Variants in BLTP1 observed in about 807,000 individuals in gnomAD.
BLTP1 encodes bridge-like lipid transfer protein family member 1.
chr4:122,304,860 T>G, the BLTP1 span: 2 of 1,613,984 alleles, frequency 1.2e-6, no homozygotes, highest in African/African-American at 1.3e-5. Context: ...CTGGATTGAT[T>G]GAACTGGAAC....
At chr4:122,230,127 T>C in the BLTP1 span, 1 of 1,614,122 alleles carries the variant, frequency 6.2e-7, no homozygotes, top group Non-Finnish European at 8.5e-7. Flanking sequence ...CTTATTACTG[T>C]TGATATTGCT....
At chr4:122,349,851 C>T in the BLTP1 span, 2 of 1,613,148 alleles carry the variant, frequency 1.2e-6, no homozygotes, top group South Asian at 1.1e-5. This position sits in a 1 kb window ranked among gnomAD's most constrained non-coding sequence, Gnocchi z 4.5. Context: ...TTGTTTTATG[C>T]TCTAGTGAGA....
chr4:122,162,447 G>A, the BLTP1 span: 1 of 865,566 alleles, frequency 1.2e-6, no homozygotes, highest in Non-Finnish European at 1.4e-6. Context: ...AGTGCACTGA[G>A]CTTTCTTGAG....
At chr4:122,350,179 C>G in the BLTP1 span, 1 of 1,451,958 alleles carries the variant, frequency 6.9e-7, no homozygotes, top group Non-Finnish European at 9.1e-7. Flanking sequence ...TAGAAAATAG[C>G]CCACAGGCTC....
the BLTP1 span, chr4:122,289,742 G>C: frequency 1.0e-6 from 1 of 963,454 alleles, no homozygotes; most frequent in African/African-American, 1.8e-5. Flanking sequence ...ATGTTATCAT[G>C]TTAAAAGAAT....
chr4:122,249,594 T>G, the BLTP1 span: 1 of 1,613,772 alleles, frequency 6.2e-7, no homozygotes, highest in African/African-American at 1.3e-5. Flanking sequence ...ATCAGCAAGC[T>G]GTTCCAGATG....
the BLTP1 span, chr4:122,219,160 A>G: frequency 1.0e-6 from 1 of 984,470 alleles, no homozygotes; most frequent in African/African-American, 1.7e-5. Context: ...ATATTTGCCA[A>G]GCAGCTATGT....
chr4:122,346,348 T>C, the BLTP1 span: 1 of 514,548 alleles, frequency 1.9e-6, no homozygotes, highest in Non-Finnish European at 2.5e-6. Flanking sequence ...TGTGTTAAAA[T>C]TGAAAGCTGG....
At chr4:122,341,835 A>C in the BLTP1 span, 1 of 985,106 alleles carries the variant, frequency 1.0e-6, no homozygotes, top group Non-Finnish European at 1.2e-6. Flanking sequence ...CCAGCAAACA[A>C]GTTTATTTTA....
At chr4:122,291,958 A>G in the BLTP1 span, 1 of 265,994 alleles carries the variant, frequency 3.8e-6, no homozygotes, top group Admixed American at 6.6e-5. Context: ...GTGCTCATGC[A>G]TCAAACAGTT....
chr4:122,322,524 C>T, the BLTP1 span, among the ~76,000 whole-genome samples: 1 of 152,010 alleles, frequency 6.6e-6, no homozygotes, highest in East Asian at 1.9e-4. Context: ...GGTTCTGATG[C>T]TTGTTCTGTC....
chr4:122,362,546 A>AT, the BLTP1 span: 3 of 177,542 alleles, frequency 1.7e-5, no homozygotes, highest in East Asian at 1.5e-4. Context: ...ATAACTGTGA[A>AT]TTTTTTTGTT....
At chr4:122,235,473 T>C in the BLTP1 span, 1 of 980,612 alleles carries the variant, frequency 1.0e-6, no homozygotes, top group South Asian at 4.7e-5. Flanking sequence ...TATAGTAAAA[T>C]TAAACATGTC....
the BLTP1 span, chr4:122,280,282 C>T: frequency 1.6e-6 from 1 of 625,352 alleles, no homozygotes; most frequent in Non-Finnish European, 2.0e-6. Flanking sequence ...TGGTGAATTC[C>T]AGGACCATGT....
At chr4:122,320,726 T>C in the BLTP1 span, among the ~76,000 whole-genome samples, 1 of 152,112 alleles carries the variant, frequency 6.6e-6, no homozygotes, top group Non-Finnish European at 1.5e-5. Context: ...TAGCAACACA[T>C]TGTCAGATCT....
chr4:122,253,511 A>G, the BLTP1 span, among the ~76,000 whole-genome samples: 1 of 152,154 alleles, frequency 6.6e-6, no homozygotes, highest in South Asian at 2.1e-4. Context: ...GACATAGTGA[A>G]GAATGCATCA....
the BLTP1 span, chr4:122,245,277 G>T: frequency 1.5e-6 from 1 of 663,880 alleles, no homozygotes; most frequent in Non-Finnish European, 2.5e-6. Context: ...TATGTCATTG[G>T]CTCTGTAAAA....
At chr4:122,162,402 C>A in the BLTP1 span, 1 of 344,604 alleles carries the variant, frequency 2.9e-6, no homozygotes, top group Non-Finnish European at 4.1e-6. Context: ...ATATTTGTTT[C>A]AGAGGAGCCA....
the BLTP1 span, chr4:122,331,138 C>G: frequency 1.1e-6 from 1 of 941,822 alleles, no homozygotes; most frequent in Non-Finnish European, 1.3e-6. Flanking sequence ...AGCAAATAGC[C>G]TGGCATATAA....
Sources: allele counts gnomAD v4.1 joint callset (sites outside exome capture counted in the v4.1 genomes callset), GRCh38; gene constraint gnomAD v4.1.1; non-coding constraint Gnocchi (gnomAD v3.1); transcripts MANE v1.5; gene names NCBI Gene and HGNC (gene_info 2026-07-23, HGNC 2026-07-21).